MSMB: variants seen among roughly 807,000 people sequenced by gnomAD.
MSMB encodes the protein beta-microseminoprotein.
A neutral mutation model predicts 10.5 loss-of-function variants in MSMB; 10 were observed. The ratio of observed to expected loss-of-function variants is 0.95; its 90% CI spans 0.59 to 1.62. MSMB has a LOEUF of 1.62. MSMB is among the 40% of genes most tolerant of loss of function. The pLI is 0.00. For synonymous variants in MSMB, 43 were observed against 46.5 expected, an observed-to-expected ratio of 0.93 and a Z score of 0.30; for missense variants, 126 against 137.4, an observed-to-expected ratio of 0.92 and a Z score of 0.42.
At chr10:46,039,391 T>C (rs1353995049) in intron 2 of MSMB, among the ~76,000 whole-genome samples, 2 of 152,242 alleles carry the variant, frequency 1.3e-5, no homozygotes, top group Non-Finnish European at 2.9e-5. Flanking sequence ...TGGGACCACA[T>C]TTTTTCCTAC....
chr10:46,042,225 T>C (rs2132422543), intron 1 of MSMB, among the ~76,000 whole-genome samples: 1 of 152,018 alleles, frequency 6.6e-6, no homozygotes, highest in African/African-American at 2.4e-5. Flanking sequence ...TACATACCAA[T>C]GGGAGAAGAA....
In MSMB at chr10:46,039,062, T is replaced by C; in HGVS notation, c.119A>G (p.Asp40Gly). 2 of 1,613,776 alleles carry C rather than the reference T, an allele frequency of 1.2e-6. No individual in the cohort carries two copies. The highest frequency in any genetic ancestry group is 1.7e-6 in the Non-Finnish European group (2 of 1,179,762). The change falls in exon 3 of 4, where the codon GAT (aspartate) becomes GGT (glycine). Residue 40 changes from aspartate to glycine, a missense_variant. Physicochemically the swap from Asp to Gly is moderately conservative, Grantham distance 94. Transcript: ENST00000582163. ...TATTGGGTGTTTGTTTCCTTTGAGA[T>C]CCATGCATTCTAAAATAATACACAC... The part of the protein sequence containing the change: ...VPGDSTRKCM[D>G]LKGNKHPINS...
At chr10:46,040,484 C>A (rs1840716222) in intron 1 of MSMB, among the ~76,000 whole-genome samples, 2 of 152,180 alleles carry the variant, frequency 1.3e-5, no homozygotes, top group Non-Finnish European at 2.9e-5. Flanking sequence ...GCTTAACCAA[C>A]CTTCTAAGAA....
chr10:46,041,635 A>G (rs553758331), intron 1 of MSMB, among the ~76,000 whole-genome samples: 2 of 152,128 alleles, frequency 1.3e-5, no homozygotes, highest in African/African-American at 4.8e-5. Flanking sequence ...CTCTACAAAA[A>G]GTACAAAAGT....
chr10:46,044,833 TG>T (rs1370709652), intron 1 of MSMB, among the ~76,000 whole-genome samples: 1 of 151,926 alleles, frequency 6.6e-6, no homozygotes, highest in Non-Finnish European at 1.5e-5. Flanking sequence ...AATAAAGAGT[TG>T]GGGGTCCTCA....
chr10:46,044,824 A>C (rs1840854768), intron 1 of MSMB, among the ~76,000 whole-genome samples: 1 of 151,896 alleles, frequency 6.6e-6, no homozygotes, highest in African/African-American at 2.4e-5. Flanking sequence ...AAATAAATAA[A>C]TAAAGAGTTG....
chr10:46,036,124 G>A (rs1169046545), intron 3 of MSMB, among the ~76,000 whole-genome samples: 1 of 152,096 alleles, frequency 6.6e-6, no homozygotes, highest in Non-Finnish European at 1.5e-5. Flanking sequence ...CCAAGTCAGG[G>A]AGCCAGCCCT....
Position 46,039,973 on chromosome 10 carries a change from A to G in MSMB, c.109+13T>C. The G allele has an allele frequency of 6.2e-7, 1 of 1,601,592 alleles. No homozygotes were observed. The highest frequency in any genetic ancestry group is 1.1e-5 in the South Asian group (1 of 90,686). On this transcript the variant is annotated intron_variant, in intron 2 of 3. Coordinates refer to ENST00000582163, the MANE Select transcript of MSMB (RefSeq NM_002443.4). The stretch of plus-strand genomic sequence containing the variant: ...TGCAATAACATAATAAACATTGAAA[A>G]GCCAAGACTTACTCCTGGTTGAATC...
At chr10:46,033,642 C>T (rs1210160463) in intron 3 of MSMB, 91 bp from the exon 4 acceptor site, 6 of 1,557,952 alleles carry the variant, frequency 3.9e-6, no homozygotes, top group Non-Finnish European at 5.2e-6. Context: ...AAGTCACCCA[C>T]ACTCCAACTT....
At position 46,033,443 on chromosome 10, in the gene MSMB, A is replaced by G. The variant is rs2132407875; in HGVS notation, c.324T>C (p.Ser108=). ...VEKKDPKKTC[S]VSEWII ...CACATTAGATTATCCATTCACTGAC[A>G]GAACAGGTCTTTTTTGGGTCCTTCT... Residue 108 remains serine, a synonymous_variant, in exon 4 of 4, where the codon TCT becomes TCC. Coordinates refer to ENST00000582163, the MANE Select transcript of MSMB (RefSeq NM_002443.4). The G allele has an allele frequency of 6.2e-7, 1 of 1,613,932 alleles. No homozygotes were observed. The highest frequency in any genetic ancestry group is 8.5e-7 in the Non-Finnish European group (1 of 1,179,792).
intron 1 of MSMB, among the ~76,000 whole-genome samples, chr10:46,042,334 A>G (rs1554928754): frequency 6.6e-6 from 1 of 152,188 alleles, no homozygotes; most frequent in East Asian, 1.9e-4. Context: ...AAAAAGTTCA[A>G]CTTACTGATA....
chr10:46,035,849 AGTG>A (rs782326309), intron 3 of MSMB, among the ~76,000 whole-genome samples: 4 of 152,218 alleles, frequency 2.6e-5, no homozygotes, highest in Non-Finnish European at 4.4e-5. Context: ...TTAAAAATAA[AGTG>A]GTGTTTGTTG....
In MSMB at chr10:46,042,041, A is replaced by T. The variant is rs75814386; in HGVS notation, c.4-1950T>A. 3.4e-3 allele frequency among the ~76,000 whole-genome samples: 524 copies of T among 152,310 alleles called. 21 individuals are homozygous for T. In the East Asian group the frequency reaches 0.089, roughly 26 times the overall value. On this transcript the variant is annotated intron_variant, in intron 1 of 3. Transcript: ENST00000582163. ...TCCTATTTGAGTCCCCATTAGTGAAATAAATTCTAAAAGGATTCAAGGTTT... is the reference window on the plus strand; with the variant it reads ...TCCTATTTGAGTCCCCATTAGTGAATTAAATTCTAAAAGGATTCAAGGTTT...
At chr10:46,039,134 C>CTCAATGTCCTG in intron 2 of MSMB, 63 bp from the exon 3 acceptor site, 1 of 1,409,254 alleles carries the variant, frequency 7.1e-7, no homozygotes, top group Non-Finnish European at 1.0e-6. Flanking sequence ...CCTATCAGGA[C>CTCAATGTCCTG]ATTGAGTCCT....
chr10:46,044,191 C>T (rs944856757), intron 1 of MSMB, among the ~76,000 whole-genome samples: 17 of 152,108 alleles, frequency 1.1e-4, no homozygotes, highest in African/African-American at 3.6e-4. Flanking sequence ...CTGATGTGTG[C>T]AGGAGATTAC....
At chr10:46,039,241 A>G (rs1339507455) in intron 2 of MSMB, among the ~76,000 whole-genome samples, 170 bp from the exon 3 acceptor site, 1 of 152,232 alleles carries the variant, frequency 6.6e-6, no homozygotes, top group Non-Finnish European at 1.5e-5. Context: ...GGCTAATTCC[A>G]GTACTGTTCA....
intron 1 of MSMB, among the ~76,000 whole-genome samples, chr10:46,043,412 C>T (rs181504263): frequency 6.8e-6 from 1 of 146,686 alleles, no homozygotes; most frequent in African/African-American, 2.6e-5. Context: ...TCTCTCTCTC[C>T]CTCCCTCCCT....
chr10:46,035,798 A>T (rs1373294294), intron 3 of MSMB, among the ~76,000 whole-genome samples: 1 of 152,162 alleles, frequency 6.6e-6, no homozygotes, highest in Non-Finnish European at 1.5e-5. Flanking sequence ...ACACTGGCAC[A>T]TTTTATGTAG....
chr10:46,044,520 G>A (rs1037482484), intron 1 of MSMB, among the ~76,000 whole-genome samples: 1 of 139,806 alleles, frequency 7.2e-6, no homozygotes, highest in Non-Finnish European at 1.5e-5. Flanking sequence ...AGCTTGCAGT[G>A]AGCCGAGATT....
Sources: allele counts gnomAD v4.1 joint callset (sites outside exome capture counted in the v4.1 genomes callset), GRCh38; gene constraint gnomAD v4.1.1; transcripts MANE v1.5; gene names NCBI Gene and HGNC (gene_info 2026-07-23, HGNC 2026-07-21).